Variants in SLMAP observed in about 807,000 individuals in gnomAD.
SLMAP encodes sarcolemmal membrane-associated protein.
SLMAP carries 44 observed loss-of-function variants against 128.8 expected under a neutral mutation model. That is an observed-to-expected ratio of 0.34 (90% CI 0.27 to 0.44). The LOEUF is 0.44. Ranked by LOEUF, SLMAP falls within the 20% of genes least tolerant of loss-of-function variation. The pLI, the probability that SLMAP is intolerant of heterozygous loss-of-function variation, is 1.00. For missense variants in SLMAP, 787 were observed against 985.3 expected (o/e 0.80, Z 2.69); for synonymous variants, 327 against 348.8 (o/e 0.94, Z 0.70).
intron 2 of SLMAP, among the ~76,000 whole-genome samples, chr3:57,822,646 T>C (rs967363840): frequency 1.3e-5 from 2 of 152,220 alleles, no homozygotes; most frequent in Non-Finnish European, 2.9e-5. Flanking sequence ...TGGTTGCCTG[T>C]GTTCCTGGTA....
intron 2 of SLMAP, among the ~76,000 whole-genome samples, chr3:57,776,523 T>TC (rs1553775403): frequency 5.6e-3 from 184 of 32,714 alleles, no homozygotes; most frequent in Admixed American, 9.4e-3. Flanking sequence ...TCTCTCTCTC[T>TC]TTTTTTTTTT....
intron 3 of SLMAP, among the ~76,000 whole-genome samples, 189 bp from the exon 4 acceptor site, chr3:57,841,110 C>T (rs2093915680): frequency 6.6e-6 from 1 of 152,126 alleles, no homozygotes; most frequent in Non-Finnish European, 1.5e-5. Context: ...CTTATTTCTA[C>T]CTTGAAATTG....
chr3:57,877,364 C>T (rs1351242450), intron 14 of SLMAP, among the ~76,000 whole-genome samples: 1 of 152,178 alleles, frequency 6.6e-6, no homozygotes, highest in East Asian at 1.9e-4. Context: ...AGGTCAGCCT[C>T]TCAGAACAGT....
At chr3:57,780,130 T>TC (rs901752525) in intron 2 of SLMAP, among the ~76,000 whole-genome samples, 2 of 151,720 alleles carry the variant, frequency 1.3e-5, no homozygotes, top group Non-Finnish European at 2.9e-5. Context: ...CTTTTTTTTT[T>TC]CACATTGCCC....
intron 2 of SLMAP, among the ~76,000 whole-genome samples, chr3:57,806,558 C>A (rs926808082): frequency 1.3e-5 from 2 of 152,154 alleles, no homozygotes; most frequent in African/African-American, 4.8e-5. Context: ...CTGCTTCAGC[C>A]TCCCAAGTAG....
intron 18 of SLMAP, among the ~76,000 whole-genome samples, chr3:57,908,783 C>G (rs2096625267): frequency 6.6e-6 from 1 of 152,068 alleles, no homozygotes; most frequent in Non-Finnish European, 1.5e-5. Flanking sequence ...GTTCAAAATG[C>G]TGATTAACAA....
intron 15 of SLMAP, 75 bp from the exon 16 acceptor site, chr3:57,896,436 C>G: frequency 6.8e-7 from 1 of 1,472,538 alleles, no homozygotes. Context: ...TTTGAGCATT[C>G]ATAGCCTGAA....
chr3:57,849,750 C>T lies in SLMAP; in HGVS notation c.457-4C>T, dbSNP rs1221512071. ...TCTGTTGATACTGTGTCATTTGTTT[C>T]TAGGTTGCTGCTAACACTCCAAGTA... On this transcript the variant is annotated splice_polypyrimidine_tract_variant and splice_region_variant and intron_variant, in intron 5 of 24. Coordinates refer to ENST00000671191, the MANE Select transcript of SLMAP (RefSeq NM_001377540.1). 2 of 1,535,714 alleles carry T rather than the reference C, an allele frequency of 1.3e-6. No individual in the cohort carries two copies. The highest frequency in any genetic ancestry group is 1.8e-6 in the Non-Finnish European group (2 of 1,108,752).
intron 2 of SLMAP, among the ~76,000 whole-genome samples, chr3:57,805,244 AT>A (rs2089568944): frequency 6.6e-6 from 1 of 151,816 alleles, no homozygotes; most frequent in Non-Finnish European, 1.5e-5. Context: ...TGTTAGTGTT[AT>A]TTTTGGATCA....
intron 23 of SLMAP, 86 bp downstream of exon 23, chr3:57,923,109 T>G: frequency 7.9e-7 from 1 of 1,258,246 alleles, no homozygotes; most frequent in South Asian, 1.3e-5. Flanking sequence ...ATCACTGATT[T>G]GTGAAGCAAA....
At chr3:57,862,275 G>A (rs934297815) in intron 10 of SLMAP, among the ~76,000 whole-genome samples, 189 bp downstream of exon 10, 2 of 151,774 alleles carry the variant, frequency 1.3e-5, no homozygotes, top group Non-Finnish European at 2.9e-5. Flanking sequence ...CTGAGATCAC[G>A]TCACTGCACT....
rs773180202 is a variant in SLMAP at position 57,917,068 on chromosome 3, G to A, written c.2301G>A (p.Val767=). ...LSKAENQAKD[V]QKEYEKTQTV... is the part of the protein sequence containing the mutation. ...AGGCAGAAAACCAAGCAAAGGATGT[G>A]CAGAAAGAGGTAAAGCGAAAAGACA... The change falls in exon 22 of 25, where the codon GTG becomes GTA. Residue 767 remains valine, a synonymous_variant. Coordinates refer to ENST00000671191, the MANE Select transcript of SLMAP (RefSeq NM_001377540.1). 6.2e-7 allele frequency: 1 copy of A among 1,613,798 alleles called. No homozygotes were observed. Among genetic ancestry groups the A allele is most frequent in the East Asian group, 2.2e-5 (1 of 44,764 alleles).
intron 2 of SLMAP, among the ~76,000 whole-genome samples, chr3:57,790,670 G>T (rs4681652): frequency 0.31 from 46,491 of 151,918 alleles, 7,429 homozygotes; most frequent in East Asian, 0.48. Flanking sequence ...AAGTAAAAAT[G>T]AAACCATCGA....
rs183128682 is a variant in SLMAP, at chr3:57,891,996, A to T, written c.1360+1896A>T. On this transcript the variant is annotated intron_variant, in intron 15 of 24. Coordinates refer to ENST00000671191, the MANE Select transcript of SLMAP (RefSeq NM_001377540.1). The stretch of plus-strand genomic sequence containing the variant: ...ATTAATAAGGGTATTTATTAAATAA[A>T]TTATGGCAAATAAGTCCATGTAAAT... Among the ~76,000 whole-genome samples, 44 of 152,332 alleles carry T rather than the reference A, an allele frequency of 2.9e-4. 1 individual carries two copies. The East Asian group carries it at 6.2e-3, about 21-fold the overall frequency.
At chr3:57,918,811 T>C (rs1296736539) in intron 22 of SLMAP, among the ~76,000 whole-genome samples, 1 of 152,216 alleles carries the variant, frequency 6.6e-6, no homozygotes, top group Non-Finnish European at 1.5e-5. Context: ...TGTCTAATTA[T>C]GTATTTTCAG....
At chr3:57,780,039 G>A (rs553197284) in intron 2 of SLMAP, among the ~76,000 whole-genome samples, 1 of 151,686 alleles carries the variant, frequency 6.6e-6, no homozygotes, top group East Asian at 1.9e-4. Flanking sequence ...AGCCACCTGA[G>A]AAGGAATGTA....
chr3:57,778,005 A>G (rs1223955334), intron 2 of SLMAP, among the ~76,000 whole-genome samples: 1 of 152,102 alleles, frequency 6.6e-6, no homozygotes, highest in Admixed American at 6.5e-5. Flanking sequence ...TCCCTTTTAT[A>G]TATTGCTGGA....
intron 2 of SLMAP, among the ~76,000 whole-genome samples, chr3:57,785,845 A>T (rs1487270566): frequency 6.6e-6 from 1 of 152,226 alleles, no homozygotes. Flanking sequence ...GTTCTTTACC[A>T]TATGTTATTT....
At chr3:57,804,285 A>G (rs553281511) in intron 2 of SLMAP, among the ~76,000 whole-genome samples, 1 of 152,224 alleles carries the variant, frequency 6.6e-6, no homozygotes, top group South Asian at 2.1e-4. Context: ...CCATGCTTAA[A>G]TGCTTTTCGT....
Sources: allele counts gnomAD v4.1 joint callset (sites outside exome capture counted in the v4.1 genomes callset), GRCh38; gene constraint gnomAD v4.1.1; transcripts MANE v1.5; gene names NCBI Gene and HGNC (gene_info 2026-07-23, HGNC 2026-07-21).